NCAM2: variants seen among roughly 807,000 people sequenced by gnomAD.
NCAM2 encodes the protein N-CAM-2.
In NCAM2, 30 loss-of-function variants were observed where a neutral mutation model predicts 98.1. That is an observed-to-expected ratio of 0.31 (90% CI 0.23 to 0.41). The LOEUF is 0.41. Among genes scored for constraint, NCAM2 ranks in the 10% least tolerant of loss-of-function variants. The pLI is 1.00. For synonymous variants in NCAM2, 368 were observed against 342.4 expected (o/e 1.07, Z -0.83); for missense variants, 867 against 1,005.8 (o/e 0.86, Z 1.87).
intron 14 of NCAM2, among the ~76,000 whole-genome samples, chr21:21,471,266 T>G (rs1311631374): frequency 6.6e-6 from 1 of 152,010 alleles, no homozygotes; most frequent in Non-Finnish European, 1.5e-5. Flanking sequence ...ATCCCTATTT[T>G]GTTGTTGTCT....
chr21:21,417,209 T>C (rs2077012942), intron 10 of NCAM2, among the ~76,000 whole-genome samples: 1 of 152,164 alleles, frequency 6.6e-6, no homozygotes, highest in Admixed American at 6.5e-5. Flanking sequence ...CTCATATGCA[T>C]GTAGAATAAG....
chr21:21,351,893 C>A (rs2075351146), intron 8 of NCAM2, among the ~76,000 whole-genome samples: 1 of 152,050 alleles, frequency 6.6e-6, no homozygotes, highest in Admixed American at 6.6e-5. Context: ...ATTACAGGCA[C>A]ACGCCATCAC....
chr21:21,513,572 T>A (rs550983057), intron 16 of NCAM2, among the ~76,000 whole-genome samples: 1 of 152,298 alleles, frequency 6.6e-6, no homozygotes, highest in African/African-American at 2.4e-5. Flanking sequence ...TGATATGATT[T>A]CAATTTTTTG....
chr21:21,418,484 A>G lies in NCAM2; in HGVS notation c.1395A>G (p.Thr465=). The change falls in exon 11 of 18, where the codon ACA becomes ACG. Residue 465 remains threonine (T), a synonymous_variant. Coordinates refer to ENST00000400546, the MANE Select transcript of NCAM2 (RefSeq NM_004540.5). The part of the protein sequence containing the change: ...GRKMILEIAP[T]SDNDFGRYNC... ...TATAATTATTTCAGATTGCACCTAC[A>G]TCTGACAATGACTTTGGACGCTATA... The G allele has an allele frequency of 6.2e-7, 1 of 1,607,148 alleles. No individual in the cohort carries two copies. Among genetic ancestry groups the G allele is most frequent in the Non-Finnish European group, 8.5e-7 (1 of 1,174,062 alleles).
chr21:21,051,577 G>T (rs1212447220), intron 1 of NCAM2, among the ~76,000 whole-genome samples: 1 of 152,116 alleles, frequency 6.6e-6, no homozygotes, highest in Non-Finnish European at 1.5e-5. Context: ...GTTAGGCTGG[G>T]GATAAAATTA....
chr21:21,387,685 C>G (rs1458449542), intron 9 of NCAM2, among the ~76,000 whole-genome samples: 1 of 152,116 alleles, frequency 6.6e-6, no homozygotes, highest in Non-Finnish European at 1.5e-5. Flanking sequence ...TTAAGGCATA[C>G]TGAGGTTAGG....
intron 15 of NCAM2, among the ~76,000 whole-genome samples, chr21:21,491,246 C>T (rs564755434): frequency 4.0e-5 from 6 of 151,808 alleles, no homozygotes; most frequent in East Asian, 1.9e-4. Context: ...ATAAAAACAT[C>T]GATCTCTAGT....
intron 12 of NCAM2, among the ~76,000 whole-genome samples, chr21:21,463,567 C>T (rs1412673798): frequency 6.6e-6 from 1 of 152,068 alleles, no homozygotes; most frequent in Non-Finnish European, 1.5e-5. Flanking sequence ...ACAGTTTAGC[C>T]ATCGGTGTGC....
chr21:21,037,134 A>T (rs2146246003), intron 1 of NCAM2, among the ~76,000 whole-genome samples: 1 of 152,254 alleles, frequency 6.6e-6, no homozygotes, highest in Non-Finnish European at 1.5e-5. Context: ...GGGCTCAATG[A>T]ATCTTTCCAT....
chr21:21,418,243 TA>T (rs1345147347), intron 10 of NCAM2, among the ~76,000 whole-genome samples: 12 of 152,062 alleles, frequency 7.9e-5, no homozygotes, highest in African/African-American at 2.9e-4. Flanking sequence ...AATGAATTAA[TA>T]GATAAATTCT....
rs116680647 is a variant in NCAM2, at chr21:21,401,496, C to A, written c.1196-8778C>A. On this transcript the variant is annotated intron_variant, in intron 9 of 17. Transcript: ENST00000400546. ...CACCATAACCTCTGGTAACCACCAA[C>A]CTACTGTCCTTTTCTATGAATTTGA... Among the ~76,000 whole-genome samples the A allele has an allele frequency of 7.8e-3, 1,181 of 152,276 alleles. 14 individuals are homozygous for A. Among genetic ancestry groups the A allele is most frequent in the African/African-American group, 0.027 (1,133 of 41,560 alleles).
chr21:21,316,616 A>G (rs899636953), intron 5 of NCAM2, among the ~76,000 whole-genome samples: 1 of 142,320 alleles, frequency 7.0e-6, no homozygotes, highest in Admixed American at 7.1e-5. Context: ...GCTCACTACA[A>G]CCCTACAACC....
chr21:21,508,799 CTTTTTTTCCT>C, intron 15 of NCAM2, 42 bp from the exon 16 acceptor site: 1 of 1,020,090 alleles, frequency 9.8e-7, no homozygotes, highest in South Asian at 1.8e-5. Flanking sequence ...AGGTTTAATA[CTTTTTTTCCT>C]TTTTTTTTTT....
chr21:21,153,628 A>G (rs2067515897), intron 1 of NCAM2, among the ~76,000 whole-genome samples: 1 of 151,870 alleles, frequency 6.6e-6, no homozygotes, highest in Non-Finnish European at 1.5e-5. Flanking sequence ...AATGGGAGGG[A>G]GCCACATTTT....
chr21:21,417,692 G>A (rs1020994871), intron 10 of NCAM2, among the ~76,000 whole-genome samples: 4 of 151,992 alleles, frequency 2.6e-5, no homozygotes, highest in African/African-American at 7.2e-5. Flanking sequence ...TAGAATCCCC[G>A]AAGGTTAACT....
At chr21:21,103,257 TAGTG>T (rs778075112) in intron 1 of NCAM2, among the ~76,000 whole-genome samples, 1 of 152,034 alleles carries the variant, frequency 6.6e-6, no homozygotes, top group Non-Finnish European at 1.5e-5. Context: ...AGTCATTTGT[TAGTG>T]AGCAGAAAAA....
At chr21:21,025,917 C>A (rs959084724) in intron 1 of NCAM2, among the ~76,000 whole-genome samples, 5 of 152,100 alleles carry the variant, frequency 3.3e-5, no homozygotes, top group African/African-American at 1.2e-4. Context: ...TGCCTTTGGG[C>A]AATTGATGTG....
chr21:21,362,903 GA>G (rs2075684884), intron 8 of NCAM2, among the ~76,000 whole-genome samples: 1 of 152,050 alleles, frequency 6.6e-6, no homozygotes, highest in Non-Finnish European at 1.5e-5. Context: ...CTTACAAAAT[GA>G]AAAGTCAATG....
intron 8 of NCAM2, among the ~76,000 whole-genome samples, chr21:21,356,545 T>G (rs2075484960): frequency 6.6e-6 from 1 of 152,174 alleles, no homozygotes; most frequent in Non-Finnish European, 1.5e-5. Flanking sequence ...ATAAATTTTA[T>G]AAAATATAAG....
Sources: gnomAD v4.1 joint callset for allele counts (sites outside exome capture counted in the v4.1 genomes callset) on GRCh38, gnomAD v4.1.1 for gene constraint, MANE v1.5 for transcripts, NCBI Gene and HGNC (gene_info 2026-07-23, HGNC 2026-07-21) for gene names.